PCDH9: variants seen among roughly 807,000 people sequenced by gnomAD.
The protein encoded by PCDH9 is protocadherin 9, also known as protocadherin-9.
In PCDH9, 24 loss-of-function variants were observed where a neutral mutation model predicts 70.6. The ratio of observed to expected loss-of-function variants is 0.34; its 90% CI spans 0.25 to 0.48. The LOEUF (loss-of-function observed/expected upper bound fraction) is 0.48, where lower values mean the gene tolerates loss of function less well. PCDH9 is among the 20% of genes least tolerant of loss of function. PCDH9 has a pLI of 0.99. For missense variants in PCDH9, 1,281 were observed against 1,503.6 expected (o/e 0.85, Z 2.45); for synonymous variants, 562 against 558.5 (o/e 1.01, Z -0.09).
At chr13:66,936,269 T>A (rs1049970423) in intron 2 of PCDH9, among the ~76,000 whole-genome samples, 8 of 152,220 alleles carry the variant, frequency 5.3e-5, no homozygotes, top group African/African-American at 1.9e-4. Flanking sequence ...CAGCTTAACA[T>A]CAGGGATCTA....
intron 2 of PCDH9, among the ~76,000 whole-genome samples, chr13:67,142,190 G>T (rs1169319363): frequency 1.3e-5 from 2 of 152,080 alleles, no homozygotes; most frequent in East Asian, 3.9e-4. Flanking sequence ...GCTACCGTAA[G>T]TTTTTAAAAA....
intron 2 of PCDH9, among the ~76,000 whole-genome samples, chr13:66,913,885 T>A (rs1334845408): frequency 1.3e-5 from 2 of 151,984 alleles, no homozygotes; most frequent in South Asian, 2.1e-4. Flanking sequence ...TTAACTCTCA[T>A]TTCCACATGT....
In PCDH9 at chr13:67,225,954, C is replaced by T. The variant is rs151024960; in HGVS notation, c.2487G>A (p.Val829=). The part of the protein sequence containing the change: ...IIAGAMVVIV[V]IFVTVLVRCR... ...AGCGCACCAGAACGGTGACGAAGATCACAACAATGACCACCATGGCACCGG... is the reference window on the plus strand; with the variant it reads ...AGCGCACCAGAACGGTGACGAAGATTACAACAATGACCACCATGGCACCGG... Residue 829 remains valine, a synonymous_variant, in exon 2 of 5, where the codon GTG becomes GTA. Transcript: ENST00000377865. The T allele has an allele frequency of 5.0e-6, 8 of 1,613,976 alleles. No individual in the cohort carries two copies. The highest frequency in any genetic ancestry group is 1.3e-5 in the African/African-American group (1 of 74,898).
chr13:67,191,949 T>G (rs1212252604), intron 2 of PCDH9, among the ~76,000 whole-genome samples: 2 of 151,864 alleles, frequency 1.3e-5, no homozygotes, highest in Non-Finnish European at 2.9e-5. Context: ...AAAATTGGAG[T>G]AAATCAACAC....
chr13:66,790,134 T>C (rs563351021), intron 3 of PCDH9, among the ~76,000 whole-genome samples: 5 of 152,276 alleles, frequency 3.3e-5, no homozygotes, highest in African/African-American at 1.2e-4. Flanking sequence ...CAAATTTTTT[T>C]TGGTTAATTA....
At chr13:66,753,340 T>C (rs2079489316) in intron 3 of PCDH9, among the ~76,000 whole-genome samples, 1 of 152,126 alleles carries the variant, frequency 6.6e-6, no homozygotes, top group Non-Finnish European at 1.5e-5. Flanking sequence ...AATAAATCAT[T>C]TCAAATAGCT....
At chr13:66,495,105 G>T (rs1185246970) in intron 4 of PCDH9, among the ~76,000 whole-genome samples, 1 of 151,802 alleles carries the variant, frequency 6.6e-6, no homozygotes, top group Admixed American at 6.6e-5. Flanking sequence ...TTAGCAGATG[G>T]GTATATGAAG....
chr13:66,398,463 A>G (rs1957139362), intron 4 of PCDH9, among the ~76,000 whole-genome samples: 1 of 152,126 alleles, frequency 6.6e-6, no homozygotes, highest in African/African-American at 2.4e-5. Context: ...TGATTTGTCT[A>G]TTAAAAAAAA....
intron 4 of PCDH9, among the ~76,000 whole-genome samples, chr13:66,490,731 C>G (rs954559670): frequency 2.0e-5 from 3 of 151,556 alleles, no homozygotes; most frequent in Admixed American, 6.6e-5. Flanking sequence ...ATAGACTAAT[C>G]AAAGCACATA....
At chr13:67,010,529 C>T (rs1199327565) in intron 2 of PCDH9, among the ~76,000 whole-genome samples, 2 of 151,990 alleles carry the variant, frequency 1.3e-5, no homozygotes, top group African/African-American at 2.4e-5. Flanking sequence ...TTATAGCTTT[C>T]AGACTGATAC....
At chr13:66,881,870 G>T (rs1184259551) in intron 3 of PCDH9, among the ~76,000 whole-genome samples, 1 of 152,164 alleles carries the variant, frequency 6.6e-6, no homozygotes, top group Non-Finnish European at 1.5e-5. Flanking sequence ...TAGGGAGGTA[G>T]AACAGGAGAA....
intron 4 of PCDH9, among the ~76,000 whole-genome samples, chr13:66,528,845 C>T (rs1797853001): frequency 6.6e-6 from 1 of 152,068 alleles, no homozygotes; most frequent in South Asian, 2.1e-4. Flanking sequence ...ATGAATGCAT[C>T]ACTCTACTAT....
intron 2 of PCDH9, among the ~76,000 whole-genome samples, chr13:67,187,904 A>T (rs2088801525): frequency 6.6e-6 from 1 of 152,084 alleles, no homozygotes; most frequent in African/African-American, 2.4e-5. Flanking sequence ...ATTTTTTGTG[A>T]TAGGAATATT....
chr13:66,587,793 TAAA>T (rs57304617), intron 4 of PCDH9, among the ~76,000 whole-genome samples: 1 of 145,282 alleles, frequency 6.9e-6, no homozygotes. Context: ...GCAGGATTAT[TAAA>T]AAAAAAAAAA....
At chr13:66,915,202 G>GA (rs943081573) in intron 2 of PCDH9, among the ~76,000 whole-genome samples, 2 of 151,338 alleles carry the variant, frequency 1.3e-5, no homozygotes, top group Non-Finnish European at 3.0e-5. Flanking sequence ...AATAATTCAG[G>GA]AAAATAATTT....
intron 4 of PCDH9, among the ~76,000 whole-genome samples, chr13:66,481,510 A>G (rs1958836115): frequency 6.6e-6 from 1 of 152,202 alleles, no homozygotes; most frequent in Non-Finnish European, 1.5e-5. Context: ...GTTATTGCAC[A>G]CTTAATAGAC....
intron 4 of PCDH9, among the ~76,000 whole-genome samples, chr13:66,564,936 G>A (rs1430328661): frequency 2.6e-5 from 4 of 151,762 alleles, no homozygotes; most frequent in Non-Finnish European, 4.4e-5. Flanking sequence ...TTATACTCAT[G>A]CACATGGATG....
chr13:66,789,513 T>C (rs9540915), intron 3 of PCDH9, among the ~76,000 whole-genome samples: 3,722 of 151,822 alleles, frequency 0.025, 79 homozygotes, highest in South Asian at 0.041. Context: ...TTTTTTTTTA[T>C]TTTTTTTCCA....
At chr13:66,415,830 G>A (rs968624277) in intron 4 of PCDH9, among the ~76,000 whole-genome samples, 1 of 151,974 alleles carries the variant, frequency 6.6e-6, no homozygotes, top group African/African-American at 2.4e-5. Flanking sequence ...GTGTAAAACT[G>A]GCATAAATAT....
Sources: gnomAD v4.1 joint callset for allele counts (sites outside exome capture counted in the v4.1 genomes callset) on GRCh38, gnomAD v4.1.1 for gene constraint, MANE v1.5 for transcripts, NCBI Gene and HGNC (gene_info 2026-07-23, HGNC 2026-07-21) for gene names.